NBEAL2: variants seen among roughly 807,000 people sequenced by gnomAD.
The protein encoded by NBEAL2 is neurobeachin-like protein 2.
NBEAL2 carries 160 observed loss-of-function variants against 299.8 expected under a neutral mutation model. The observed-to-expected ratio is 0.53, with a 90% confidence interval of 0.47 to 0.61. The LOEUF is 0.61. Ranked by LOEUF, NBEAL2 falls within the 20% of genes least tolerant of loss-of-function variation. The probability of loss-of-function intolerance (pLI) is 0.00; values close to 1 mark genes in which losing one functional copy is unlikely to be tolerated. For missense variants in NBEAL2, 3,112 were observed against 3,649.0 expected, an observed-to-expected ratio of 0.85 and a Z score of 3.79; for synonymous variants, 1,493 against 1,542.3, an observed-to-expected ratio of 0.97 and a Z score of 0.75.
rs893213736 is a variant in NBEAL2, at chr3:46,997,668, G to A, written c.2932G>A (p.Ala978Thr). Residue 978 changes from alanine to threonine, a missense_variant, in exon 20 of 54, where the codon GCC becomes ACC. Physicochemically the swap from Ala to Thr is moderately conservative, Grantham distance 58 (BLOSUM62 0). Around this residue, in one of 3 missense-constraint regions of NBEAL2, gnomAD observed 2,243 missense variants for 2,538.1 expected, o/e 0.88. Coordinates refer to ENST00000450053, the MANE Select transcript of NBEAL2 (RefSeq NM_015175.3). The part of the protein sequence containing the change: ...QESLVQCQGP[A>T]IIGALLRKVP... ...GAGCCTGGTGCAGTGCCAGGGGCCT[G>A]CCATCATCGGGGCCCTCCTGCGAAA... The A allele has an allele frequency of 8.3e-6, 13 of 1,558,310 alleles. No homozygotes were observed. Among genetic ancestry groups the A allele is most frequent in the Non-Finnish European group, 1.0e-5 (12 of 1,147,914 alleles).
At chr3:46,985,462 A>G (rs899977430) in intron 1 of NBEAL2, among the ~76,000 whole-genome samples, 5 of 152,136 alleles carry the variant, frequency 3.3e-5, no homozygotes, top group African/African-American at 1.2e-4. Context: ...TCAGCCCTCC[A>G]GGTTACTTCA....
chr3:47,007,022 C>A (rs2107451734), intron 45 of NBEAL2, 44 bp from the exon 46 acceptor site: 1 of 1,483,664 alleles, frequency 6.7e-7, no homozygotes, highest in East Asian at 2.3e-5. Flanking sequence ...ATAGTGTAAT[C>A]TGATAGTACT....
At chr3:47,008,490 G>C in intron 51 of NBEAL2, 30 bp from the exon 52 acceptor site, 1 of 1,610,888 alleles carries the variant, frequency 6.2e-7, no homozygotes. Context: ...TTGGGATCCT[G>C]TCCTTGCTGA....
chr3:47,007,166 T>C lies in NBEAL2; in HGVS notation c.7224+11T>C, dbSNP rs2037507394. The C allele has an allele frequency of 6.2e-7, 1 of 1,613,382 alleles. No individual in the cohort carries two copies. The highest frequency in any genetic ancestry group is 2.2e-5 in the East Asian group (1 of 44,880). On this transcript the variant is annotated intron_variant, in intron 46 of 53. Coordinates refer to ENST00000450053, the MANE Select transcript of NBEAL2 (RefSeq NM_015175.3). ...TCCCCAGACCTGTTGGTAAGTGCAT[T>C]GTGCAGAGCCCCAGCTCAGCTCCAC...
At chr3:47,002,854 A>C in intron 33 of NBEAL2, 52 bp downstream of exon 33, 1 of 1,057,754 alleles carries the variant, frequency 9.5e-7, no homozygotes, top group Non-Finnish European at 1.3e-6. Context: ...CTTGGGAGGG[A>C]GGGAGCCACC....
chr3:47,004,154 G>C lies in NBEAL2; in HGVS notation c.5959G>C (p.Ala1987Pro), dbSNP rs775114659. 6.2e-7 allele frequency: 1 copy of C among 1,613,754 alleles called. No individual in the cohort carries two copies. The highest frequency in any genetic ancestry group is 1.7e-5 in the Admixed American group (1 of 60,004). Residue 1987 changes from alanine (A) to proline (P), a missense_variant, in exon 37 of 54, where the codon GCA becomes CCA. By Grantham distance (27) the Ala-to-Pro change is conservative. Transcript: ENST00000450053. The surrounding 1 kb of genome is among the most constrained non-coding windows in gnomAD (Gnocchi z 5.0). ...HLRRFNLRRS[A>P]LELFFIDQAN... Reference sequence around the variant, plus strand: ...GCGGCGTTTCAACCTGCGCCGTTCAGCACTTGAGCTCTTCTTTATCGATCA... The same window carrying C: ...GCGGCGTTTCAACCTGCGCCGTTCACCACTTGAGCTCTTCTTTATCGATCA...
chr3:47,004,950 C>T lies in NBEAL2; in HGVS notation c.6295-22C>T, dbSNP rs368067690. The T allele has an allele frequency of 1.6e-4, 257 of 1,593,916 alleles. No individual in the cohort carries two copies. The highest frequency in any genetic ancestry group is 3.0e-4 in the Admixed American group (17 of 57,238). ...TAGGCCATCAGGGCCCTCATGCAGC[C>T]CCTGCTCGGGTGGGTGGCCAGTTCC... is the stretch of plus-strand genomic sequence containing the variant. On this transcript the variant is annotated intron_variant, in intron 38 of 53. Coordinates refer to ENST00000450053, the MANE Select transcript of NBEAL2 (RefSeq NM_015175.3). The surrounding 1 kb of genome is among the most constrained non-coding windows in gnomAD (Gnocchi z 5.0).
chr3:46,989,421 G>A lies in NBEAL2; in HGVS notation c.473+40G>A, dbSNP rs775720045. The A allele has an allele frequency of 2.6e-6, 4 of 1,566,708 alleles. No homozygotes were observed. The highest frequency in any genetic ancestry group is 3.5e-6 in the Non-Finnish European group (4 of 1,155,836). On this transcript the variant is annotated intron_variant, in intron 5 of 53. Transcript: ENST00000450053. The surrounding 1 kb of genome is among the most constrained non-coding windows in gnomAD (Gnocchi z 5.5). ...ACAGGAAGGGAACCCAGAGGAGGGT[G>A]GGGAGAGGATGGCCGCGCTGGGCCC...
intron 50 of NBEAL2, 42 bp from the exon 51 acceptor site, chr3:47,008,241 A>G (rs1422285414): frequency 6.2e-7 from 1 of 1,612,988 alleles, no homozygotes; most frequent in Non-Finnish European, 8.5e-7. Context: ...ATCCCCCTGG[A>G]GCCCAGACTC....
intron 11 of NBEAL2, 150 bp downstream of exon 11, chr3:46,994,170 C>A (rs1575597074): frequency 1.2e-6 from 1 of 817,258 alleles, no homozygotes; most frequent in Non-Finnish European, 2.0e-6. Flanking sequence ...CCCTAAAGCT[C>A]ACTGGGCAGG....
In NBEAL2 at chr3:46,998,890, G is replaced by A; in HGVS notation, c.3384+11G>A. On this transcript the variant is annotated intron_variant, in intron 23 of 53. Coordinates refer to ENST00000450053, the MANE Select transcript of NBEAL2 (RefSeq NM_015175.3). ...GGCGATGACGGTCAGGTAGGCTGGA[G>A]GTTGGGGAGCGGGAGGCTTGGGTGA... 1 of 1,595,664 alleles carries A rather than the reference G, an allele frequency of 6.3e-7. No homozygotes were observed. Among genetic ancestry groups the A allele is most frequent in the Non-Finnish European group, 8.5e-7 (1 of 1,171,504 alleles).
In NBEAL2 at chr3:47,008,604, G is replaced by A. The variant is rs1376714965; in HGVS notation, c.7963G>A (p.Val2655Met). The A allele has an allele frequency of 3.1e-6, 5 of 1,613,508 alleles. No individual in the cohort carries two copies. In the East Asian group the frequency reaches 1.1e-4, roughly 36 times the overall value. ...GGCAGAGCAGCCTACAGCCCTGACGGTGACAGAGGACTTTGTGTTGCTGGG... is the reference window on the plus strand; with the variant it reads ...GGCAGAGCAGCCTACAGCCCTGACGATGACAGAGGACTTTGTGTTGCTGGG... ...PLAEQPTALTVTEDFVLLGTA... is the reference protein window; with the variant it reads ...PLAEQPTALTMTEDFVLLGTA... Residue 2655 changes from valine to methionine, a missense_variant, in exon 52 of 54, where the codon GTG becomes ATG. Around this residue, in one of 3 missense-constraint regions of NBEAL2, gnomAD observed 348 missense variants for 381.4 expected, o/e 0.91. Coordinates refer to ENST00000450053, the MANE Select transcript of NBEAL2 (RefSeq NM_015175.3).
chr3:46,988,649 T>TA lies in NBEAL2; in HGVS notation c.52-20_52-19insA. ...GCATCCCTCCTGCCCCCCACCACTG[T>TA]TCCCCTGTTCTGCCTACAGAAGGAC... On this transcript the variant is annotated intron_variant, in intron 1 of 53. Transcript: ENST00000450053. This position sits in a 1 kb window ranked among gnomAD's most constrained non-coding sequence, Gnocchi z 4.4. 1 of 1,608,638 alleles carries TA rather than the reference T, an allele frequency of 6.2e-7. No individual in the cohort carries two copies. The highest frequency in any genetic ancestry group is 1.3e-5 in the African/African-American group (1 of 74,918).
rs775803831 is a variant in NBEAL2 at position 47,004,368 on chromosome 3, T to C, written c.6173T>C (p.Met2058Thr). Reference sequence around the variant, plus strand: ...CTAAGCAGCCGCTCCCCCCAGGAGATGCTGCGTGCCTCAGGCCTTACCCAG... The same window carrying C: ...CTAAGCAGCCGCTCCCCCCAGGAGACGCTGCGTGCCTCAGGCCTTACCCAG... ...GYLSSRSPQE[M>T]LRASGLTQKW... The change falls in exon 37 of 54, where the codon ATG (methionine) becomes ACG (threonine). Residue 2058 changes from methionine (M) to threonine (T), a missense_variant. By Grantham distance (81) the Met-to-Thr change is moderately conservative. Coordinates refer to ENST00000450053, the MANE Select transcript of NBEAL2 (RefSeq NM_015175.3). The surrounding 1 kb of genome is among the most constrained non-coding windows in gnomAD (Gnocchi z 5.0). 14 of 1,598,068 alleles carry C rather than the reference T, an allele frequency of 8.8e-6. No homozygotes were observed. The highest frequency in any genetic ancestry group is 8.0e-5 in the African/African-American group (6 of 74,638).
intron 1 of NBEAL2, among the ~76,000 whole-genome samples, chr3:46,987,608 G>A (rs924063619): frequency 6.6e-6 from 1 of 152,102 alleles, no homozygotes; most frequent in African/African-American, 2.4e-5. Flanking sequence ...CGGGACAAAG[G>A]TATGGCTGAG....
chr3:46,989,141 C>T lies in NBEAL2; in HGVS notation c.326C>T (p.Ala109Val). Residue 109 changes from alanine (A) to valine (V), a missense_variant, in exon 4 of 54, where the codon GCA (alanine) becomes GTA (valine). Physicochemically the swap from Ala to Val is moderately conservative, Grantham distance 64. Around this residue, in one of 3 missense-constraint regions of NBEAL2, gnomAD observed 2,243 missense variants for 2,538.1 expected, o/e 0.88. Coordinates refer to ENST00000450053, the MANE Select transcript of NBEAL2 (RefSeq NM_015175.3). This position sits in a 1 kb window ranked among gnomAD's most constrained non-coding sequence, Gnocchi z 5.5. Reference sequence around the variant, plus strand: ...CAAGTGCTAGTGCCCCGAGTGCTGGCACTGTTGACCAAGTTGGTGGCGGAG... The same window carrying T: ...CAAGTGCTAGTGCCCCGAGTGCTGGTACTGTTGACCAAGTTGGTGGCGGAG... ...RGQVLVPRVL[A>V]LLTKLVAELK... The T allele has an allele frequency of 6.2e-7, 1 of 1,613,898 alleles. No individual in the cohort carries two copies. The highest frequency in any genetic ancestry group is 8.5e-7 in the Non-Finnish European group (1 of 1,179,854).
Position 47,001,646 on chromosome 3 carries a change from C to T in NBEAL2, c.4645-43C>T, listed in dbSNP as rs1163652592. 2 of 1,601,978 alleles carry T rather than the reference C, an allele frequency of 1.2e-6. No individual in the cohort carries two copies. The highest frequency in any genetic ancestry group is 1.3e-5 in the African/African-American group (1 of 74,854). On this transcript the variant is annotated intron_variant, in intron 29 of 53. Coordinates refer to ENST00000450053, the MANE Select transcript of NBEAL2 (RefSeq NM_015175.3). The surrounding 1 kb of genome is among the most constrained non-coding windows in gnomAD (Gnocchi z 6.1). ...TTGCTCCCTTTCCATGGACTCCTGG[C>T]CTCCCCTGGTGATGTCTGTTGGGAA... is the stretch of plus-strand genomic sequence containing the variant.
rs759433271 is a variant in NBEAL2 at position 46,995,042 on chromosome 3, G to A, written c.1307G>A (p.Gly436Asp). ...LQELLNMAVE[G>D]DHSMCPPPPI... ...TCTCTCCACCCACAGGCTGTGGAGG[G>A]TGACCACAGCATGTGCCCACCTCCA... The change falls in exon 13 of 54, where the codon GGT (glycine) becomes GAT (aspartate). Residue 436 changes from glycine (G) to aspartate (D), a missense_variant. Gly to Asp is a moderately conservative substitution (Grantham distance 94, BLOSUM62 -1). Transcript: ENST00000450053. 5.2e-6 allele frequency: 8 copies of A among 1,545,516 alleles called. No individual in the cohort carries two copies. The East Asian group carries it at 1.7e-4, about 33-fold the overall frequency.
chr3:46,996,859 T>C, intron 17 of NBEAL2, 26 bp downstream of exon 17: 1 of 1,611,426 alleles, frequency 6.2e-7, no homozygotes, highest in Non-Finnish European at 8.5e-7. Flanking sequence ...AGGGGAGTGG[T>C]TGGCTCGACT....
Sources: gnomAD v4.1 joint callset for allele counts (sites outside exome capture counted in the v4.1 genomes callset) on GRCh38, gnomAD v4.1.1 for gene constraint, gnomAD v4.1.1 regional missense constraint, Gnocchi (gnomAD v3.1) non-coding constraint, MANE v1.5 for transcripts, NCBI Gene and HGNC (gene_info 2026-07-23, HGNC 2026-07-21) for gene names.